Variants in ZNG1E observed in about 807,000 individuals in gnomAD.
The protein encoded by ZNG1E is zinc-regulated GTPase metalloprotein activator 1E.
At chr9:65,677,305 A>AG in the ZNG1E span, 1 of 1,460,932 alleles carries the variant, frequency 6.8e-7, no homozygotes, top group Admixed American at 2.0e-5. Context: ...TGCTGAATCT[A>AG]GGGATAGTTT....
the ZNG1E span, among the ~76,000 whole-genome samples, chr9:65,683,998 G>A: frequency 3.9e-5 from 6 of 152,396 alleles, no homozygotes; most frequent in East Asian, 1.2e-3. Context: ...ACAAAAACTT[G>A]ACACTTTTGA....
the ZNG1E span, among the ~76,000 whole-genome samples, chr9:65,684,400 T>C: frequency 1.3e-5 from 2 of 151,732 alleles, no homozygotes; most frequent in Non-Finnish European, 3.0e-5. Context: ...AGCCAGGCGT[T>C]GTGGCGCACC....
the ZNG1E span, among the ~76,000 whole-genome samples, chr9:65,671,322 G>C: frequency 1.3e-5 from 2 of 152,132 alleles, no homozygotes; most frequent in South Asian, 2.1e-4. Flanking sequence ...AAAAAAAACT[G>C]ATTGGTTAAC....
At chr9:65,675,363 G>A in the ZNG1E span, among the ~76,000 whole-genome samples, 1 of 148,964 alleles carries the variant, frequency 6.7e-6, no homozygotes, top group African/African-American at 2.5e-5. Context: ...TGAGGAAAAA[G>A]TAAATAAAAG....
chr9:65,660,092 T>G, the ZNG1E span, among the ~76,000 whole-genome samples: 1 of 129,082 alleles, frequency 7.7e-6, no homozygotes, highest in Non-Finnish European at 1.6e-5. Context: ...ATCAAGGGAA[T>G]TCAGCACAAG....
At chr9:65,721,639 C>T in the ZNG1E span, among the ~76,000 whole-genome samples, 19 of 149,946 alleles carry the variant, frequency 1.3e-4, no homozygotes, top group East Asian at 5.8e-4. Flanking sequence ...AAATTTCAAA[C>T]GTACATAAGA....
chr9:65,657,514 A>T, the ZNG1E span, among the ~76,000 whole-genome samples: 1 of 152,282 alleles, frequency 6.6e-6, no homozygotes, highest in Admixed American at 6.5e-5. Flanking sequence ...TGGGACCTAA[A>T]AATGAAAACA....
chr9:65,686,548 A>G, the ZNG1E span, among the ~76,000 whole-genome samples: 2 of 152,040 alleles, frequency 1.3e-5, no homozygotes, highest in Non-Finnish European at 2.9e-5. Context: ...AGGCAGGAGA[A>G]TGGCTTGAAC....
chr9:65,719,868 C>G, the ZNG1E span: 1 of 1,115,646 alleles, frequency 9.0e-7, no homozygotes, highest in South Asian at 1.7e-5. Context: ...TTTAAAAAAA[C>G]TTAATCTGCC....
the ZNG1E span, chr9:65,731,612 A>T: frequency 6.4e-7 from 1 of 1,563,178 alleles, no homozygotes; most frequent in Non-Finnish European, 8.6e-7. Context: ...AATTATTATT[A>T]TTTCCCTTGA....
the ZNG1E span, among the ~76,000 whole-genome samples, chr9:65,660,847 AT>A: frequency 3.4e-4 from 48 of 141,940 alleles, no homozygotes; most frequent in South Asian, 1.3e-3. Context: ...ATATATATAT[AT>A]ATATATAAAA....
At chr9:65,667,477 C>T in the ZNG1E span, among the ~76,000 whole-genome samples, 942 of 151,926 alleles carry the variant, frequency 6.2e-3, no homozygotes, top group Non-Finnish European at 7.0e-3. Flanking sequence ...GTTTAATAAG[C>T]GAAGCTAACC....
At chr9:65,686,678 T>A in the ZNG1E span, among the ~76,000 whole-genome samples, 1 of 152,140 alleles carries the variant, frequency 6.6e-6, no homozygotes, top group African/African-American at 2.4e-5. Flanking sequence ...TGTTACTTAG[T>A]GTAGCTACTT....
chr9:65,693,227 CTAAGATCAAGTG>C, the ZNG1E span, among the ~76,000 whole-genome samples: 1 of 152,162 alleles, frequency 6.6e-6, no homozygotes, highest in Non-Finnish European at 1.5e-5. Context: ...GGTCTTTTGG[CTAAGATCAAGTG>C]TAAAAGACAT....
At chr9:65,675,317 T>C in the ZNG1E span, among the ~76,000 whole-genome samples, 1 of 152,072 alleles carries the variant, frequency 6.6e-6, no homozygotes, top group African/African-American at 2.4e-5. Flanking sequence ...CAAATATGAT[T>C]AATGAACTTA....
At chr9:65,661,033 T>C in the ZNG1E span, among the ~76,000 whole-genome samples, 1 of 147,938 alleles carries the variant, frequency 6.8e-6, no homozygotes, top group Admixed American at 6.8e-5. Flanking sequence ...GCTCCAGCTG[T>C]GGAAACTTGG....
At chr9:65,733,493 TTTTG>T in the ZNG1E span, 4 of 1,169,706 alleles carry the variant, frequency 3.4e-6, no homozygotes, top group Non-Finnish European at 5.0e-6. Flanking sequence ...TCACGTCATA[TTTTG>T]TTTTGTTTGC....
chr9:65,679,612 T>C, the ZNG1E span: 2 of 322,358 alleles, frequency 6.2e-6, no homozygotes, highest in Admixed American at 4.8e-5. Flanking sequence ...TGGAGTGCAG[T>C]GGTGCAATCT....
the ZNG1E span, among the ~76,000 whole-genome samples, chr9:65,711,778 G>A: frequency 7.0e-4 from 88 of 125,668 alleles, no homozygotes; most frequent in African/African-American, 2.1e-3. Flanking sequence ...GAGGATTTTT[G>A]CATCAATGTT....
Sources: gnomAD v4.1 joint callset for allele counts (sites outside exome capture counted in the v4.1 genomes callset) on GRCh38, gnomAD v4.1.1 for gene constraint, MANE v1.5 for transcripts, NCBI Gene and HGNC (gene_info 2026-07-23, HGNC 2026-07-21) for gene names.